Variants in CNTNAP2 observed in about 807,000 individuals in gnomAD.
CNTNAP2 encodes the protein contactin-associated protein-like 2.
Under a neutral mutation model 155.2 loss-of-function variants are expected in CNTNAP2, and 98 were observed. The ratio of observed to expected loss-of-function variants is 0.63; its 90% CI spans 0.54 to 0.75. The LOEUF (loss-of-function observed/expected upper bound fraction) is 0.75, where lower values mean the gene tolerates loss of function less well. Among genes scored for constraint, CNTNAP2 ranks in the 30% least tolerant of loss-of-function variants. The pLI, the probability that CNTNAP2 is intolerant of heterozygous loss-of-function variation, is 0.00. For synonymous variants in CNTNAP2, 651 were observed against 631.2 expected (o/e 1.03, Z -0.47); for missense variants, 1,727 against 1,688.1 (o/e 1.02, Z -0.40).
chr7:146,844,625 T>C (rs1213395118), intron 3 of CNTNAP2, among the ~76,000 whole-genome samples: 1 of 152,088 alleles, frequency 6.6e-6, no homozygotes, highest in Non-Finnish European at 1.5e-5. Context: ...GCTTGGGAAA[T>C]TCAATTACTG....
At chr7:146,695,539 C>A (rs1428208526) in intron 1 of CNTNAP2, among the ~76,000 whole-genome samples, 1 of 152,032 alleles carries the variant, frequency 6.6e-6, no homozygotes, top group Non-Finnish European at 1.5e-5. Flanking sequence ...CTCAGCCTCC[C>A]ATGCAGAACT....
intron 10 of CNTNAP2, among the ~76,000 whole-genome samples, chr7:147,427,243 C>T (rs1797392761): frequency 6.6e-6 from 1 of 152,088 alleles, no homozygotes; most frequent in Non-Finnish European, 1.5e-5. Flanking sequence ...GTAATCACTT[C>T]CCAAAAGTCA....
intron 1 of CNTNAP2, among the ~76,000 whole-genome samples, chr7:146,438,144 A>G (rs1031596925): frequency 1.3e-5 from 2 of 151,498 alleles, no homozygotes; most frequent in African/African-American, 2.5e-5. Context: ...ACATATGTAT[A>G]TCTTACTAGC....
intron 14 of CNTNAP2, among the ~76,000 whole-genome samples, chr7:147,914,395 T>G (rs1013797270): frequency 3.3e-5 from 5 of 151,682 alleles, no homozygotes; most frequent in Non-Finnish European, 5.9e-5. Context: ...ACAAAATTAG[T>G]CAGGCATAGT....
At chr7:146,565,152 C>A (rs1798338411) in intron 1 of CNTNAP2, among the ~76,000 whole-genome samples, 1 of 151,994 alleles carries the variant, frequency 6.6e-6, no homozygotes, top group Non-Finnish European at 1.5e-5. Context: ...CACACATACA[C>A]ACACACACAC....
intron 22 of CNTNAP2, among the ~76,000 whole-genome samples, chr7:148,399,925 T>G (rs1190017792): frequency 1.3e-5 from 2 of 152,128 alleles, no homozygotes; most frequent in Non-Finnish European, 1.5e-5. Flanking sequence ...TGGTCTACAT[T>G]AAATTTCTGC....
In CNTNAP2 at chr7:148,240,232, T is replaced by C. The variant is rs1278567987; in HGVS notation, c.3381+10453T>C. Among the ~76,000 whole-genome samples, 3 of 152,190 alleles carry C rather than the reference T, an allele frequency of 2.0e-5. No individual in the cohort carries two copies. The South Asian group carries it at 6.2e-4, about 32-fold the overall frequency. ...AGTTGGTGGAACAGTAGGTGACTCA[T>C]ACAGGGATGAATAAAATGTATCTTT... On this transcript the variant is annotated intron_variant, in intron 20 of 23. Transcript: ENST00000361727.
intron 1 of CNTNAP2, among the ~76,000 whole-genome samples, chr7:146,169,818 A>G (rs535971096): frequency 6.6e-5 from 10 of 151,386 alleles, no homozygotes; most frequent in African/African-American, 2.4e-4. Flanking sequence ...TTAAGGTTGA[A>G]TAATATTTTA....
chr7:146,515,915 C>T (rs1333272164), intron 1 of CNTNAP2, among the ~76,000 whole-genome samples: 1 of 151,966 alleles, frequency 6.6e-6, no homozygotes, highest in East Asian at 1.9e-4. Flanking sequence ...ATTCCTATCT[C>T]AATATGTCAG....
intron 1 of CNTNAP2, among the ~76,000 whole-genome samples, chr7:146,628,670 TAG>T (rs907326284): frequency 2.6e-4 from 39 of 152,212 alleles, no homozygotes; most frequent in African/African-American, 9.4e-4. Context: ...TTGAGCACTT[TAG>T]AGAGAGTAGA....
intron 1 of CNTNAP2, among the ~76,000 whole-genome samples, chr7:146,206,682 G>A (rs964930382): frequency 1.3e-5 from 2 of 151,884 alleles, no homozygotes; most frequent in Non-Finnish European, 2.9e-5. Context: ...AGGTTAAAAT[G>A]ATGAAATGCA....
At chr7:146,678,139 G>A (rs1800435772) in intron 1 of CNTNAP2, among the ~76,000 whole-genome samples, 1 of 151,960 alleles carries the variant, frequency 6.6e-6, no homozygotes, top group African/African-American at 2.4e-5. Context: ...ACAAATCTTG[G>A]CTCACTGCAA....
chr7:146,748,143 C>CTT (rs61495352), intron 1 of CNTNAP2, among the ~76,000 whole-genome samples: 18,003 of 97,952 alleles, frequency 0.18, 2,141 homozygotes, highest in African/African-American at 0.32. Flanking sequence ...CTTTTCTTTT[C>CTT]TTTTTTTTTT....
At chr7:146,676,020 A>T (rs1213036898) in intron 1 of CNTNAP2, among the ~76,000 whole-genome samples, 2 of 152,126 alleles carry the variant, frequency 1.3e-5, no homozygotes, top group Non-Finnish European at 2.9e-5. Flanking sequence ...TAACATTTGG[A>T]TTCTTTTGGA....
chr7:147,662,757 A>G (rs1364882628), intron 13 of CNTNAP2, among the ~76,000 whole-genome samples: 1 of 152,128 alleles, frequency 6.6e-6, no homozygotes, highest in African/African-American at 2.4e-5. Context: ...GGTCTGCAAA[A>G]TTTCAGTGAC....
chr7:148,034,145 A>C (rs907563263), intron 15 of CNTNAP2, among the ~76,000 whole-genome samples: 12 of 152,258 alleles, frequency 7.9e-5, no homozygotes, highest in African/African-American at 2.4e-4. Flanking sequence ...TGAGACATCT[A>C]TATCTATCAG....
intron 13 of CNTNAP2, among the ~76,000 whole-genome samples, chr7:147,871,774 T>C (rs1799331457): frequency 6.6e-6 from 1 of 152,076 alleles, no homozygotes; most frequent in African/African-American, 2.4e-5. Flanking sequence ...TTTGAGACTA[T>C]GTGAGTCGTG....
At chr7:148,366,363 G>A (rs1386591591) in intron 21 of CNTNAP2, among the ~76,000 whole-genome samples, 1 of 149,156 alleles carries the variant, frequency 6.7e-6, no homozygotes, top group African/African-American at 2.5e-5. Context: ...TAGCAATATT[G>A]ATTAAATTAT....
chr7:148,098,443 A>AG lies in CNTNAP2; in HGVS notation c.2384-19674dup, dbSNP rs1241436558. On this transcript the variant is annotated intron_variant, in intron 15 of 23. Coordinates refer to ENST00000361727, the MANE Select transcript of CNTNAP2 (RefSeq NM_014141.6). Reference sequence around the variant, plus strand: ...TGGTGACAGAGCGAGACTCTGTCTCAGAAAAAAAAAAAAAAAAAAAAAAAA... The same window carrying AG: ...TGGTGACAGAGCGAGACTCTGTCTCAGGAAAAAAAAAAAAAAAAAAAAAAAA... 1.7e-4 allele frequency among the ~76,000 whole-genome samples: 16 copies of AG among 94,968 alleles called. No individual in the cohort carries two copies. The South Asian group carries it at 5.4e-3, about 32-fold the overall frequency. 62.3% of individuals were successfully genotyped at this position (94,968 alleles called of 152,430 possible).
Sources: gnomAD v4.1 joint callset for allele counts (sites outside exome capture counted in the v4.1 genomes callset) on GRCh38, gnomAD v4.1.1 for gene constraint, MANE v1.5 for transcripts, NCBI Gene and HGNC (gene_info 2026-07-23, HGNC 2026-07-21) for gene names.